The following MARCHF1 variants were observed in gnomAD, a reference collection of about 807,000 sequenced individuals.
The protein encoded by MARCHF1 is membrane associated ring-CH-type finger 1, also known as E3 ubiquitin-protein ligase MARCHF1.
Under a neutral mutation model 54.2 loss-of-function variants are expected in MARCHF1, and 40 were observed. The ratio of observed to expected loss-of-function variants is 0.74; its 90% CI spans 0.57 to 0.96. MARCHF1 has a LOEUF of 0.96. Ranked by LOEUF, MARCHF1 falls within the 40% of genes least tolerant of loss-of-function variation. MARCHF1 has a pLI of 0.00. For missense variants in MARCHF1, 586 were observed against 656.5 expected (o/e 0.89, Z 1.17); for synonymous variants, 236 against 236.3 (o/e 1.00, Z 0.01).
At chr4:163,747,260 C>A (rs1213896114) in intron 4 of MARCHF1, among the ~76,000 whole-genome samples, 2 of 152,162 alleles carry the variant, frequency 1.3e-5, no homozygotes, top group African/African-American at 4.8e-5. Flanking sequence ...TCTACATTAG[C>A]TGACTGGAAC....
chr4:163,924,100 G>C lies in MARCHF1; in HGVS notation c.-39+64401C>G, dbSNP rs547513223. Among the ~76,000 whole-genome samples, 12 of 152,150 alleles carry C rather than the reference G, an allele frequency of 7.9e-5. No individual in the cohort carries two copies. In the South Asian group the frequency reaches 1.7e-3, roughly 21 times the overall value. ...TGCAAAGAACTGTGCTTGATGCATG[G>C]AGTGTAGAAAGGTTTGCACAACATT... On this transcript the variant is annotated intron_variant, in intron 3 of 9. Coordinates refer to ENST00000514618, the MANE Select transcript of MARCHF1 (RefSeq NM_001394959.1).
At chr4:164,188,709 A>T (rs1731043646) in intron 1 of MARCHF1, 1 of 1,067,278 alleles carries the variant, frequency 9.4e-7, no homozygotes, top group Non-Finnish European at 1.5e-6. Flanking sequence ...ATGCAGCAGG[A>T]CATCAAGTTC....
At chr4:163,710,470 C>A (rs1389088538) in intron 4 of MARCHF1, among the ~76,000 whole-genome samples, 1 of 152,106 alleles carries the variant, frequency 6.6e-6, no homozygotes, top group East Asian at 1.9e-4. Flanking sequence ...GAAATAATAT[C>A]AAAAATATCT....
At chr4:163,912,739 A>G (rs543263528) in intron 3 of MARCHF1, among the ~76,000 whole-genome samples, 1 of 152,350 alleles carries the variant, frequency 6.6e-6, no homozygotes, top group South Asian at 2.1e-4. Flanking sequence ...CCGTGGCTGC[A>G]TAAGAGTGGC....
intron 3 of MARCHF1, among the ~76,000 whole-genome samples, chr4:163,945,426 G>T (rs774201539): frequency 9.9e-5 from 15 of 152,152 alleles, no homozygotes; most frequent in Admixed American, 1.3e-4. Flanking sequence ...ATGGTGAGCA[G>T]CTGCAAGTAG....
chr4:164,036,547 G>A (rs1317871716), intron 2 of MARCHF1, among the ~76,000 whole-genome samples: 1 of 152,140 alleles, frequency 6.6e-6, no homozygotes, highest in Non-Finnish European at 1.5e-5. Context: ...AGGAATGAAA[G>A]TGCACACAAT....
At position 163,527,259 on chromosome 4, in the gene MARCHF1, A is replaced by G. The variant is rs1180678136; in HGVS notation, c.*1489T>C. On this transcript the variant is annotated 3_prime_UTR_variant, in exon 10 of 10. Coordinates refer to ENST00000514618, the MANE Select transcript of MARCHF1 (RefSeq NM_001394959.1). ...CAAAGAACACAATAATCAACTGTCA[A>G]ACCTAAACGATTAATTACTTATCAC... 2 of 152,038 alleles carry G rather than the reference A, an allele frequency of 1.3e-5. No homozygotes were observed. The highest frequency in any genetic ancestry group is 4.8e-5 in the African/African-American group (2 of 41,400). 9.4% of individuals were successfully genotyped at this position (152,038 alleles called of 1,614,324 possible).
intron 1 of MARCHF1, among the ~76,000 whole-genome samples, chr4:164,323,597 CAAAAAAAAA>C (rs70952622): frequency 3.2e-5 from 1 of 30,928 alleles, no homozygotes; most frequent in Non-Finnish European, 5.1e-5. Flanking sequence ...GGATGAGTAG[CAAAAAAAAA>C]AAAAAAAAAA....
At chr4:163,974,905 AGT>A (rs1420168085) in intron 3 of MARCHF1, among the ~76,000 whole-genome samples, 1 of 152,208 alleles carries the variant, frequency 6.6e-6, no homozygotes, top group Non-Finnish European at 1.5e-5. Context: ...CACTAATATG[AGT>A]GGCCCTCATC....
At chr4:163,859,067 T>C (rs1048724448) in intron 3 of MARCHF1, among the ~76,000 whole-genome samples, 20 of 152,294 alleles carry the variant, frequency 1.3e-4, no homozygotes, top group African/African-American at 4.8e-4. Flanking sequence ...TTGTTGATGA[T>C]ACAATGAATA....
At chr4:164,127,608 A>G (rs1434495259) in intron 1 of MARCHF1, among the ~76,000 whole-genome samples, 2 of 152,208 alleles carry the variant, frequency 1.3e-5, no homozygotes, top group African/African-American at 4.8e-5. Flanking sequence ...CTGACATTCA[A>G]GAATTGAAGA....
At chr4:164,361,144 A>G (rs750543232) in intron 1 of MARCHF1, among the ~76,000 whole-genome samples, 7 of 151,978 alleles carry the variant, frequency 4.6e-5, no homozygotes, top group Admixed American at 6.6e-5. Context: ...ACCAAAGCAT[A>G]TCAGTTTTAA....
intron 7 of MARCHF1, among the ~76,000 whole-genome samples, chr4:163,606,549 T>G (rs1378956798): frequency 2.6e-5 from 4 of 151,932 alleles, no homozygotes; most frequent in Non-Finnish European, 5.9e-5. Flanking sequence ...TTATCCTCCT[T>G]TATAAAGGAG....
At position 163,792,238 on chromosome 4, in the gene MARCHF1, T is replaced by G. The variant is rs574651116; in HGVS notation, c.111+61783A>C. Among the ~76,000 whole-genome samples, 13 of 152,338 alleles carry G rather than the reference T, an allele frequency of 8.5e-5. No homozygotes were observed. The South Asian group carries it at 2.7e-3, about 32-fold the overall frequency. On this transcript the variant is annotated intron_variant, in intron 4 of 9. Coordinates refer to ENST00000514618, the MANE Select transcript of MARCHF1 (RefSeq NM_001394959.1). ...TCTCTCTTTACGTTTGTCTTCACGT[T>G]CTTTTAGTTGAGAGAAAATCCCAAT...
intron 1 of MARCHF1, among the ~76,000 whole-genome samples, chr4:164,242,082 G>A (rs982977179): frequency 6.6e-6 from 1 of 152,162 alleles, no homozygotes; most frequent in African/African-American, 2.4e-5. Flanking sequence ...GCCTTGATTA[G>A]GTAAACAAAG....
intron 4 of MARCHF1, among the ~76,000 whole-genome samples, chr4:163,739,903 A>C (rs1198119665): frequency 1.3e-5 from 2 of 152,218 alleles, no homozygotes; most frequent in Non-Finnish European, 2.9e-5. Context: ...AGTGGAGTAT[A>C]ATTCTCTTTG....
At chr4:164,227,372 T>G (rs75071945) in intron 1 of MARCHF1, among the ~76,000 whole-genome samples, 6,042 of 152,166 alleles carry the variant, frequency 0.04, 289 homozygotes, top group African/African-American at 0.11. Flanking sequence ...GGTCCCACCC[T>G]TGACACATGG....
chr4:164,066,728 T>C (rs532636832), intron 2 of MARCHF1, among the ~76,000 whole-genome samples: 1 of 152,094 alleles, frequency 6.6e-6, no homozygotes, highest in African/African-American at 2.4e-5. Context: ...GGGACATGGA[T>C]GGAGCTAGAG....
intron 2 of MARCHF1, among the ~76,000 whole-genome samples, chr4:164,041,709 C>G (rs1370830037): frequency 6.6e-6 from 1 of 152,124 alleles, no homozygotes; most frequent in Non-Finnish European, 1.5e-5. Context: ...CTGTTGTGCC[C>G]CACCACAGAT....
Sources: gnomAD v4.1 joint callset for allele counts (sites outside exome capture counted in the v4.1 genomes callset) on GRCh38, gnomAD v4.1.1 for gene constraint, MANE v1.5 for transcripts, NCBI Gene and HGNC (gene_info 2026-07-23, HGNC 2026-07-21) for gene names.